Variants in APBB2 observed in about 807,000 individuals in gnomAD.
APBB2 encodes the protein amyloid beta precursor protein binding family B member 2.
APBB2 carries 38 observed loss-of-function variants against 82.5 expected under a neutral mutation model. The ratio of observed to expected loss-of-function variants is 0.46; its 90% CI spans 0.36 to 0.60. The LOEUF is 0.60. Among genes scored for constraint, APBB2 ranks in the 20% least tolerant of loss-of-function variants. The probability of loss-of-function intolerance (pLI) is 0.00; values close to 1 mark genes in which losing one functional copy is unlikely to be tolerated. For missense variants in APBB2, 772 were observed against 972.3 expected (o/e 0.79, Z 2.74); for synonymous variants, 341 against 368.2 (o/e 0.93, Z 0.85).
At chr4:41,020,407 A>T (rs2154433263) in intron 5 of APBB2, among the ~76,000 whole-genome samples, 1 of 152,344 alleles carries the variant, frequency 6.6e-6, no homozygotes, top group South Asian at 2.1e-4. Flanking sequence ...GGTATTCAGT[A>T]AGTGATAAGG....
chr4:41,156,644 C>T (rs1379609894), intron 1 of APBB2, among the ~76,000 whole-genome samples: 2 of 152,196 alleles, frequency 1.3e-5, no homozygotes, highest in African/African-American at 2.4e-5. Context: ...GAAGATGGAG[C>T]AAAGTATTAC....
intron 6 of APBB2, among the ~76,000 whole-genome samples, chr4:40,974,134 G>A (rs1009576172): frequency 1.3e-4 from 20 of 151,998 alleles, no homozygotes; most frequent in African/African-American, 4.1e-4. Flanking sequence ...TTACAGGTAT[G>A]AGCCACTGCA....
intron 6 of APBB2, among the ~76,000 whole-genome samples, chr4:40,973,352 C>T (rs1303765676): frequency 6.6e-6 from 1 of 152,196 alleles, no homozygotes; most frequent in Admixed American, 6.5e-5. Context: ...TCTAGCTCTA[C>T]CTGGGTTCCA....
At chr4:41,100,050 CA>C in intron 3 of APBB2, among the ~76,000 whole-genome samples, 1 of 151,960 alleles carries the variant, frequency 6.6e-6, no homozygotes, top group East Asian at 1.9e-4. Context: ...TAAAAGACAG[CA>C]AAAACATTCA....
chr4:41,049,248 G>A (rs1356120815), intron 4 of APBB2, among the ~76,000 whole-genome samples: 2 of 150,148 alleles, frequency 1.3e-5, no homozygotes, highest in African/African-American at 4.9e-5. Flanking sequence ...ACCCCGTCTG[G>A]GAGGTGAGGA....
intron 6 of APBB2, among the ~76,000 whole-genome samples, chr4:40,993,301 GA>G (rs1184314640): frequency 3.6e-4 from 54 of 149,516 alleles, no homozygotes; most frequent in African/African-American, 1.2e-3. Flanking sequence ...ACAAGAACAA[GA>G]GAAGAGATTT....
intron 1 of APBB2, chr4:41,177,723 T>C (rs1770211537): frequency 6.6e-6 from 1 of 152,226 alleles, no homozygotes; most frequent in African/African-American, 2.4e-5. Context: ...TTGAATAACA[T>C]GGTCTCAACA....
intron 1 of APBB2, among the ~76,000 whole-genome samples, chr4:41,168,218 G>A (rs1767226206): frequency 5.7e-5 from 3 of 52,368 alleles, no homozygotes; most frequent in Admixed American, 3.2e-4. Context: ...GCAGTGAGCC[G>A]AAGCCTGCAG....
intron 1 of APBB2, chr4:41,194,063 G>C: frequency 6.6e-6 from 1 of 152,084 alleles, no homozygotes; most frequent in African/African-American, 2.4e-5. Flanking sequence ...AGGCCAAGGC[G>C]GGAGGATCAC....
At chr4:41,158,304 G>A (rs1763981425) in intron 1 of APBB2, among the ~76,000 whole-genome samples, 1 of 152,160 alleles carries the variant, frequency 6.6e-6, no homozygotes, top group African/African-American at 2.4e-5. Flanking sequence ...TAATGAGTCA[G>A]AGGTGAAAAG....
At chr4:41,120,534 T>C (rs1177416991) in intron 2 of APBB2, among the ~76,000 whole-genome samples, 1 of 152,198 alleles carries the variant, frequency 6.6e-6, no homozygotes, top group Non-Finnish European at 1.5e-5. Flanking sequence ...CTTAAAATAA[T>C]GTTTAAGTTT....
At chr4:41,201,860 G>A (rs111312225) in intron 1 of APBB2, among the ~76,000 whole-genome samples, 2,613 of 152,200 alleles carry the variant, frequency 0.017, 81 homozygotes, top group African/African-American at 0.06. Flanking sequence ...AATATACACG[G>A]CCAAAAATAC....
chr4:40,833,633 G>A (rs1456165002), intron 12 of APBB2, among the ~76,000 whole-genome samples: 1 of 152,220 alleles, frequency 6.6e-6, no homozygotes, highest in Non-Finnish European at 1.5e-5. Flanking sequence ...AGCCAGAAGG[G>A]CCAGGCATTG....
At chr4:41,026,061 G>T (rs1325871914) in intron 5 of APBB2, among the ~76,000 whole-genome samples, 2 of 152,124 alleles carry the variant, frequency 1.3e-5, no homozygotes, top group Non-Finnish European at 2.9e-5. Flanking sequence ...AATGGAGCTG[G>T]AGATTATTAT....
chr4:41,162,272 C>T (rs1185390712), intron 1 of APBB2, among the ~76,000 whole-genome samples: 1 of 149,238 alleles, frequency 6.7e-6, no homozygotes, highest in African/African-American at 2.5e-5. Context: ...ACAGTCTACA[C>T]ATAGCAACTG....
intron 2 of APBB2, among the ~76,000 whole-genome samples, chr4:41,112,741 G>A (rs562533408): frequency 6.6e-6 from 1 of 152,304 alleles, no homozygotes; most frequent in Non-Finnish European, 1.5e-5. Context: ...TGTAATCCCA[G>A]CACTTTGGGA....
At chr4:41,055,148 C>T (rs773318301) in intron 4 of APBB2, among the ~76,000 whole-genome samples, 2 of 152,200 alleles carry the variant, frequency 1.3e-5, no homozygotes, top group Non-Finnish European at 2.9e-5. Flanking sequence ...ATGGGCTTTT[C>T]CCAGCTCTTC....
At chr4:41,031,293 A>G (rs1184967010) in intron 5 of APBB2, among the ~76,000 whole-genome samples, 1 of 152,214 alleles carries the variant, frequency 6.6e-6, no homozygotes, top group African/African-American at 2.4e-5. Context: ...ATGTCCCTGT[A>G]GTCACAGCTC....
Position 40,819,041 on chromosome 4 carries a change from G to A in APBB2, c.2113-2782C>T, listed in dbSNP as rs116597817. Among the ~76,000 whole-genome samples the A allele has an allele frequency of 3.4e-3, 512 of 151,874 alleles. 3 individuals carry two copies. The highest frequency in any genetic ancestry group is 0.011 in the African/African-American group (467 of 41,386). On this transcript the variant is annotated intron_variant, in intron 17 of 17. Transcript: ENST00000508593. ...AACCTCACAATGTGCTGTATGGGGTGGGGGGGCGGCGGTCAGAGAACTCCC... is the reference window on the plus strand; with the variant it reads ...AACCTCACAATGTGCTGTATGGGGTAGGGGGGCGGCGGTCAGAGAACTCCC...
Sources: gnomAD v4.1 joint callset for allele counts (sites outside exome capture counted in the v4.1 genomes callset) on GRCh38, gnomAD v4.1.1 for gene constraint, MANE v1.5 for transcripts, NCBI Gene and HGNC (gene_info 2026-07-23, HGNC 2026-07-21) for gene names.